The following ARL5B variants were observed in gnomAD, a reference collection of about 807,000 sequenced individuals.
The protein encoded by ARL5B is ADP-ribosylation factor-like protein 5B.
ARL5B carries 10 observed loss-of-function variants against 26.9 expected under a neutral mutation model. The ratio of observed to expected loss-of-function variants is 0.37; its 90% CI spans 0.23 to 0.63. The LOEUF (loss-of-function observed/expected upper bound fraction) is 0.63, where lower values mean the gene tolerates loss of function less well. Ranked by LOEUF, ARL5B falls within the 30% of genes least tolerant of loss-of-function variation. The pLI, the probability that ARL5B is intolerant of heterozygous loss-of-function variation, is 0.62. For missense variants in ARL5B, 167 were observed against 213.9 expected (o/e 0.78, Z 1.37); for synonymous variants, 87 against 70.4 (o/e 1.24, Z -1.18).
At chr10:18,667,741 A>G (rs7088674) in intron 2 of ARL5B, among the ~76,000 whole-genome samples, 5,124 of 151,998 alleles carry the variant, frequency 0.034, 294 homozygotes, top group African/African-American at 0.12. Flanking sequence ...ACACACACAC[A>G]CATATTTGAG....
chr10:18,679,341 G>GATGCCACCCC lies in ARL5B; in HGVS notation c.*4127_*4136dup, dbSNP rs1834235919. The stretch of plus-strand genomic sequence containing the variant: ...ATTTGTTCAGAGTTTATTGCCGTTT[G>GATGCCACCCC]ATGCCACCCCAGTCTATAGTTCTGT... On this transcript the variant is annotated 3_prime_UTR_variant, in exon 6 of 6. Coordinates refer to ENST00000377275, the MANE Select transcript of ARL5B (RefSeq NM_178815.5). The GATGCCACCCC allele has an allele frequency of 6.6e-6, 1 of 151,946 alleles. No individual in the cohort carries two copies. Among genetic ancestry groups the GATGCCACCCC allele is most frequent in the Non-Finnish European group, 1.5e-5 (1 of 67,830 alleles). The allele number at this position is 151,946 out of a possible 1,614,324, so 9.4% of individuals were successfully genotyped here. A position where few individuals can be genotyped will look rare whatever the true frequency, so the allele number is the denominator to read the frequency against.
chr10:18,661,712 C>G (rs1380804432), intron 1 of ARL5B, among the ~76,000 whole-genome samples: 1 of 152,146 alleles, frequency 6.6e-6, no homozygotes, highest in Non-Finnish European at 1.5e-5. Flanking sequence ...ATAACGTTGG[C>G]TGCAGCACAA....
chr10:18,676,227 A>G lies in ARL5B; in HGVS notation c.*1011A>G, dbSNP rs761400642. 6.6e-6 allele frequency: 1 copy of G among 152,460 alleles called. No individual in the cohort carries two copies. Among genetic ancestry groups the G allele is most frequent in the Non-Finnish European group, 1.5e-5 (1 of 67,892 alleles). The allele number at this position is 152,460 out of a possible 1,614,324, so 9.4% of individuals were successfully genotyped here. A position where few individuals can be genotyped will look rare whatever the true frequency, so the allele number is the denominator to read the frequency against. On this transcript the variant is annotated 3_prime_UTR_variant, in exon 6 of 6. Transcript: ENST00000377275. The stretch of plus-strand genomic sequence containing the variant: ...TGTCTGTCATAGCATTTTTACTACC[A>G]GCAGTATGTTACTTAAAAAACTACA...
Position 18,679,906 on chromosome 10 carries a change from A to T in ARL5B, c.*4690A>T, listed in dbSNP as rs1249027770. Reference sequence around the variant, plus strand: ...TACTAAAAAATACTGTCTTTTTACCATACAGCTAGATGGCCTGTATTATTC... The same window carrying T: ...TACTAAAAAATACTGTCTTTTTACCTTACAGCTAGATGGCCTGTATTATTC... On this transcript the variant is annotated 3_prime_UTR_variant, in exon 6 of 6. Transcript: ENST00000377275. 1.3e-5 allele frequency: 2 copies of T among 151,938 alleles called. No homozygotes were observed. Among genetic ancestry groups the T allele is most frequent in the African/African-American group, 4.8e-5 (2 of 41,426 alleles). The allele number at this position is 151,938 out of a possible 1,614,324, so 9.4% of individuals were successfully genotyped here.
chr10:18,672,797 T>C, intron 4 of ARL5B, 92 bp downstream of exon 4: 1 of 745,016 alleles, frequency 1.3e-6, no homozygotes, highest in Admixed American at 2.6e-5. Context: ...TGATATGATG[T>C]TGGCTATTTT....
chr10:18,667,052 C>T (rs1383416008), intron 2 of ARL5B, among the ~76,000 whole-genome samples: 1 of 152,136 alleles, frequency 6.6e-6, no homozygotes, highest in Admixed American at 6.5e-5. Context: ...GTGATCACTC[C>T]TGAAAATATT....
chr10:18,667,997 T>C (rs1320416847), intron 2 of ARL5B, among the ~76,000 whole-genome samples: 2 of 152,158 alleles, frequency 1.3e-5, no homozygotes, highest in African/African-American at 2.4e-5. Flanking sequence ...CCACCACACC[T>C]GGCCTTCTAA....
chr10:18,672,156 T>C (rs2131645200), intron 3 of ARL5B, among the ~76,000 whole-genome samples: 1 of 152,350 alleles, frequency 6.6e-6, no homozygotes, highest in Admixed American at 6.5e-5. Flanking sequence ...AAAATGCATT[T>C]ATCTTTTTCT....
chr10:18,664,916 CAAG>C (rs1276941909), intron 1 of ARL5B, among the ~76,000 whole-genome samples: 1 of 152,178 alleles, frequency 6.6e-6, no homozygotes, highest in Non-Finnish European at 1.5e-5. Context: ...TGAGTTGCTT[CAAG>C]AAGGAGCCAT....
chr10:18,675,324 C>A lies in ARL5B; in HGVS notation c.*108C>A. 9.6e-7 allele frequency: 1 copy of A among 1,043,898 alleles called. No homozygotes were observed. The highest frequency in any genetic ancestry group is 1.5e-6 in the Non-Finnish European group (1 of 684,824). The allele number at this position is 1,043,898 out of a possible 1,614,324, so 64.7% of individuals were successfully genotyped here. A position where few individuals can be genotyped will look rare whatever the true frequency, so the allele number is the denominator to read the frequency against. ...CATGTTTAATTTATAACAACACAAA[C>A]CTCTGAGAGCAACACTTGAATCAAG... On this transcript the variant is annotated 3_prime_UTR_variant, in exon 6 of 6. Transcript: ENST00000377275.
At position 18,675,825 on chromosome 10, in the gene ARL5B, T is replaced by C. The variant is rs2059908248; in HGVS notation, c.*609T>C. On this transcript the variant is annotated 3_prime_UTR_variant, in exon 6 of 6. Transcript: ENST00000377275. ...TCATGGAATAATGTTTAAGTTGTTA[T>C]TTGCATGGAAATTAAGTAGGCTGTT... The C allele has an allele frequency of 6.6e-6, 1 of 152,122 alleles. No individual in the cohort carries two copies. The highest frequency in any genetic ancestry group is 1.5e-5 in the Non-Finnish European group (1 of 67,956). 9.4% of individuals were successfully genotyped at this position (152,122 alleles called of 1,614,324 possible). A position where few individuals can be genotyped will look rare whatever the true frequency, so the allele number is the denominator to read the frequency against.
chr10:18,666,610 G>A lies in ARL5B; in HGVS notation c.82G>A (p.Gly28Arg). Residue 28 changes from glycine to arginine, a missense_variant, in exon 2 of 6, where the codon GGG (glycine) becomes AGG (arginine). Transcript: ENST00000377275. ...AATTATAGTGGGACTGGATAATGCA[G>A]GGAAAACCACCATTCTTTACCAATT... ...KVIIVGLDNA[G>R]KTTILYQFLM... 6 of 1,609,592 alleles carry A rather than the reference G, an allele frequency of 3.7e-6. No homozygotes were observed. Among genetic ancestry groups the A allele is most frequent in the Non-Finnish European group, 5.1e-6 (6 of 1,178,056 alleles).
In ARL5B at chr10:18,678,023, G is replaced by A. The variant is rs147068091; in HGVS notation, c.*2807G>A. ...TACAGCATTTTTCTTAATTTTGAGC[G>A]TGTCATGTCCTTCATCTTTAAACCC... On this transcript the variant is annotated 3_prime_UTR_variant, in exon 6 of 6. Coordinates refer to ENST00000377275, the MANE Select transcript of ARL5B (RefSeq NM_178815.5). The A allele has an allele frequency of 1.2e-4, 18 of 151,780 alleles. No homozygotes were observed. Among genetic ancestry groups the A allele is most frequent in the Admixed American group, 3.3e-4 (5 of 15,220 alleles). 9.4% of individuals were successfully genotyped at this position (151,780 alleles called of 1,614,324 possible). A position where few individuals can be genotyped will look rare whatever the true frequency, so the allele number is the denominator to read the frequency against.
At chr10:18,659,740 G>C in intron 1 of ARL5B, 57 bp downstream of exon 1, 1 of 1,593,910 alleles carries the variant, frequency 6.3e-7, no homozygotes, top group Non-Finnish European at 8.5e-7. Context: ...TCCCGCCGCC[G>C]ATGGGGACAC....
In ARL5B at chr10:18,677,216, T is replaced by C. The variant is rs1280187855; in HGVS notation, c.*2000T>C. 1 of 152,076 alleles carries C rather than the reference T, an allele frequency of 6.6e-6. No individual in the cohort carries two copies. The highest frequency in any genetic ancestry group is 1.5e-5 in the Non-Finnish European group (1 of 67,784). The allele number at this position is 152,076 out of a possible 1,614,324, so 9.4% of individuals were successfully genotyped here. On this transcript the variant is annotated 3_prime_UTR_variant, in exon 6 of 6. Transcript: ENST00000377275. ...TGAAATGACTATCTGCCTTCTTGTA[T>C]CTAGTAAGATTGGCTGGCTCAATTT...
intron 1 of ARL5B, among the ~76,000 whole-genome samples, chr10:18,664,140 G>A (rs893797805): frequency 4.0e-5 from 6 of 151,736 alleles, no homozygotes; most frequent in African/African-American, 1.5e-4. Context: ...TTTTAGTAGA[G>A]ACGGAGTTTC....
rs1159754359 is a variant in ARL5B at position 18,666,594 on chromosome 10, G to A, written c.66G>A (p.Val22=). Residue 22 remains valine (V), a synonymous_variant, in exon 2 of 6, where the codon GTG becomes GTA. Transcript: ENST00000377275. ...FCNQEHKVII[V]GLDNAGKTTI... is the part of the protein sequence containing the mutation. ...TTGTAGAACACAAAGTAATTATAGT[G>A]GGACTGGATAATGCAGGGAAAACCA... is the stretch of plus-strand genomic sequence containing the variant. 2 of 1,609,350 alleles carry A rather than the reference G, an allele frequency of 1.2e-6. No individual in the cohort carries two copies. The highest frequency in any genetic ancestry group is 2.2e-5 in the South Asian group (2 of 89,940).
rs200604463 is a variant in ARL5B at position 18,668,717 on chromosome 10, C to T, written c.255+40C>T. 21 of 1,596,684 alleles carry T rather than the reference C, an allele frequency of 1.3e-5. 1 individual carries two copies. Among genetic ancestry groups the T allele is most frequent in the South Asian group, 1.0e-4 (9 of 89,072 alleles). ...ATTTTGAATTTTAATCCAAAGGTCCCTAGAGTAAACATAGAAAGTAATTAG... is the reference window on the plus strand; with the variant it reads ...ATTTTGAATTTTAATCCAAAGGTCCTTAGAGTAAACATAGAAAGTAATTAG... On this transcript the variant is annotated intron_variant, in intron 3 of 5. Coordinates refer to ENST00000377275, the MANE Select transcript of ARL5B (RefSeq NM_178815.5).
rs188969123 is a variant in ARL5B, at chr10:18,675,300, A to T, written c.*84A>T. The T allele has an allele frequency of 7.4e-7, 1 of 1,344,474 alleles. No individual in the cohort carries two copies. Among genetic ancestry groups the T allele is most frequent in the African/African-American group, 1.4e-5 (1 of 69,448 alleles). The allele number at this position is 1,344,474 out of a possible 1,614,324, so 83.3% of individuals were successfully genotyped here. ...TACCTTTGGCTGCTAAGGCAGCAGC[A>T]TGTTTAATTTATAACAACACAAACC... On this transcript the variant is annotated 3_prime_UTR_variant, in exon 6 of 6. Coordinates refer to ENST00000377275, the MANE Select transcript of ARL5B (RefSeq NM_178815.5).
Sources: gnomAD v4.1 joint callset for allele counts (sites outside exome capture counted in the v4.1 genomes callset) on GRCh38, gnomAD v4.1.1 for gene constraint, MANE v1.5 for transcripts, NCBI Gene and HGNC (gene_info 2026-07-23, HGNC 2026-07-21) for gene names.